SPTBN4: variants seen among roughly 807,000 people sequenced by gnomAD.
The protein encoded by SPTBN4 is spectrin beta chain, non-erythrocytic 4.
A neutral mutation model predicts 277.8 loss-of-function variants in SPTBN4; 96 were observed. That is an observed-to-expected ratio of 0.35 (90% CI 0.29 to 0.41). SPTBN4 has a LOEUF of 0.41. Ranked by LOEUF, SPTBN4 falls within the 10% of genes least tolerant of loss-of-function variation. The pLI, the probability that SPTBN4 is intolerant of heterozygous loss-of-function variation, is 1.00. For synonymous variants in SPTBN4, 1,481 were observed against 1,580.3 expected, an observed-to-expected ratio of 0.94 and a Z score of 1.49; for missense variants, 3,006 against 3,595.7, an observed-to-expected ratio of 0.84 and a Z score of 4.19.
At chr19:40,504,156 C>CAGGG in intron 12 of SPTBN4, 24 bp downstream of exon 12, 2 of 889,456 alleles carry the variant, frequency 2.2e-6, no homozygotes, top group Non-Finnish European at 1.6e-6. Flanking sequence ...GGCGGGGATG[C>CAGGG]GGGTGGAGTG....
chr19:40,489,216 C>CAAA (rs541919529), intron 3 of SPTBN4, among the ~76,000 whole-genome samples: 14 of 54,786 alleles, frequency 2.6e-4, no homozygotes, highest in Admixed American at 1.6e-3. Flanking sequence ...CAACAAAAGC[C>CAAA]AAAAAAAAAA....
intron 20 of SPTBN4, among the ~76,000 whole-genome samples, chr19:40,546,931 T>G (rs1166339429): frequency 6.6e-6 from 1 of 152,224 alleles, no homozygotes; most frequent in African/African-American, 2.4e-5. Flanking sequence ...AATTCTTTGA[T>G]TGTTAAACTA....
rs1165841 is a variant in SPTBN4 at position 40,572,314 on chromosome 19, G to C, written c.7494-24G>C. On this transcript the variant is annotated intron_variant, in intron 34 of 35. Coordinates refer to ENST00000598249, the MANE Select transcript of SPTBN4 (RefSeq NM_020971.3). The stretch of plus-strand genomic sequence containing the variant: ...GGCTGGGCCCCTTCCCCAGATCTCT[G>C]AAGTCCTGTGTCCCTTCCTGCAGGA... The C allele has an allele frequency of 0.6, 973,430 of 1,613,252 alleles. 302,696 individuals carry two copies. The highest frequency in any genetic ancestry group is 0.64 in the African/African-American group (48,306 of 74,966).
chr19:40,502,443 T>G lies in SPTBN4; in HGVS notation c.1139T>G (p.Leu380Arg). 6.2e-7 allele frequency: 1 copy of G among 1,613,568 alleles called. No homozygotes were observed. The highest frequency in any genetic ancestry group is 1.1e-5 in the South Asian group (1 of 91,070). ...EVLLFSIQSK[L>R]RACNRRLFVP... The stretch of plus-strand genomic sequence containing the variant: ...CTGCTCTTCAGCATCCAGAGCAAAC[T>G]GCGTGCCTGCAACCGTCGCCTCTTT... The change falls in exon 10 of 36, where the codon CTG becomes CGG. Residue 380 changes from leucine to arginine, a missense_variant. Physicochemically the swap from Leu to Arg is moderately radical, Grantham distance 102. Around this residue, in one of 5 missense-constraint regions of SPTBN4, gnomAD observed 1,759 missense variants for 2,061.5 expected, o/e 0.85. Transcript: ENST00000598249. This position sits in a 1 kb window ranked among gnomAD's most constrained non-coding sequence, Gnocchi z 4.9.
chr19:40,545,103 A>C (rs965630882), intron 20 of SPTBN4, among the ~76,000 whole-genome samples: 1 of 150,388 alleles, frequency 6.6e-6, no homozygotes, highest in Non-Finnish European at 1.5e-5. Context: ...TTATTTAAAA[A>C]TTTTTTTTTC....
At chr19:40,506,174 G>A (rs2080327631) in intron 12 of SPTBN4, 62 bp from the exon 13 acceptor site, 2 of 1,550,748 alleles carry the variant, frequency 1.3e-6, no homozygotes, top group African/African-American at 2.7e-5. Flanking sequence ...ATAGGCAATG[G>A]GGGAGAGGTG....
intron 20 of SPTBN4, among the ~76,000 whole-genome samples, chr19:40,537,400 G>A (rs1046237037): frequency 3.9e-5 from 6 of 152,306 alleles, no homozygotes; most frequent in Middle Eastern, 3.4e-3. Context: ...AGGTCATCAG[G>A]TCTCTGAAAA....
At position 40,503,015 on chromosome 19, in the gene SPTBN4, T is replaced by C. The variant is rs1053673518; in HGVS notation, c.1362+82T>C. 16 of 1,509,694 alleles carry C rather than the reference T, an allele frequency of 1.1e-5. 1 individual carries two copies. The Admixed American group carries it at 1.6e-4, about 15-fold the overall frequency. The allele number at this position is 1,509,694 out of a possible 1,614,324, so 93.5% of individuals were successfully genotyped here. A position where few individuals can be genotyped will look rare whatever the true frequency, so the allele number is the denominator to read the frequency against. On this transcript the variant is annotated intron_variant, in intron 11 of 35. Coordinates refer to ENST00000598249, the MANE Select transcript of SPTBN4 (RefSeq NM_020971.3). ...CCTGGGACCAGAGAGGGAGACTTGATCTTCTAGGCAACAGGGAAGAGTTAG... is the reference window on the plus strand; with the variant it reads ...CCTGGGACCAGAGAGGGAGACTTGACCTTCTAGGCAACAGGGAAGAGTTAG...
In SPTBN4 at chr19:40,502,845, A is replaced by T; in HGVS notation, c.1274A>T (p.Glu425Val). The T allele has an allele frequency of 6.2e-7, 1 of 1,613,896 alleles. No homozygotes were observed. The highest frequency in any genetic ancestry group is 8.5e-7 in the Non-Finnish European group (1 of 1,180,022). The stretch of plus-strand genomic sequence containing the variant: ...CTACGGGCTGAGCTGATTCGGCAGG[A>T]GAAGCTGGAACTACTGGCACAGAGG... ...AALRAELIRQ[E>V]KLELLAQRFD... The change falls in exon 11 of 36, where the codon GAG (glutamate) becomes GTG (valine). Residue 425 changes from glutamate (E) to valine (V), a missense_variant. Coordinates refer to ENST00000598249, the MANE Select transcript of SPTBN4 (RefSeq NM_020971.3). This position sits in a 1 kb window ranked among gnomAD's most constrained non-coding sequence, Gnocchi z 4.9.
intron 18 of SPTBN4, chr19:40,530,376 T>G: frequency 2.8e-6 from 1 of 352,574 alleles, no homozygotes; most frequent in Non-Finnish European, 4.0e-6. Context: ...TGGTTCCTCC[T>G]GCACCCCCAC....
intron 27 of SPTBN4, among the ~76,000 whole-genome samples, chr19:40,563,860 C>G (rs1161657175): frequency 6.8e-6 from 1 of 147,444 alleles, no homozygotes; most frequent in Non-Finnish European, 1.5e-5. Context: ...GGCCAACATG[C>G]CAAAAATCCA....
chr19:40,514,483 G>A (rs984394808), intron 14 of SPTBN4, among the ~76,000 whole-genome samples: 1 of 152,200 alleles, frequency 6.6e-6, no homozygotes, highest in African/African-American at 2.4e-5. Context: ...AACAGGCCAT[G>A]GAGACTGATG....
chr19:40,561,737 G>A (rs777012144), intron 27 of SPTBN4, among the ~76,000 whole-genome samples: 9 of 151,208 alleles, frequency 6.0e-5, no homozygotes, highest in Admixed American at 1.3e-4. Context: ...CAGGAGAATC[G>A]CTTGAACCCG....
chr19:40,561,992 G>A (rs1379622526), intron 27 of SPTBN4, among the ~76,000 whole-genome samples: 2 of 152,116 alleles, frequency 1.3e-5, no homozygotes, highest in African/African-American at 4.8e-5. Context: ...AGTTTTCTAG[G>A]TGGAGGGACC....
chr19:40,534,063 C>A lies in SPTBN4; in HGVS notation c.4096-17C>A. 6.3e-7 allele frequency: 1 copy of A among 1,590,568 alleles called. No homozygotes were observed. The highest frequency in any genetic ancestry group is 8.6e-7 in the Non-Finnish European group (1 of 1,163,738). On this transcript the variant is annotated splice_polypyrimidine_tract_variant and intron_variant, in intron 19 of 35. Transcript: ENST00000598249. ...ATCTATCTTCTCCATCTCCTGCCAT[C>A]CACCCACTTGGGGCAGGAGGGCCAG...
chr19:40,500,214 T>C (rs555802284), intron 7 of SPTBN4, among the ~76,000 whole-genome samples: 2 of 151,996 alleles, frequency 1.3e-5, no homozygotes, highest in Non-Finnish European at 2.9e-5. Flanking sequence ...CAACAACCAA[T>C]TAAAGTGATG....
In SPTBN4 at chr19:40,534,247, G is replaced by A. The variant is rs1358238981; in HGVS notation, c.4263G>A (p.Glu1421=). Residue 1421 remains glutamate (E), a synonymous_variant, in exon 20 of 36, where the codon GAG becomes GAA. Coordinates refer to ENST00000598249, the MANE Select transcript of SPTBN4 (RefSeq NM_020971.3). ...KADQLVQSFA[E]LDKKLLHMES... ...ACCAGCTGGTGCAGAGCTTTGCTGA[G>A]CTGGACAAGAAGCTCCTTCACATGG... is the stretch of plus-strand genomic sequence containing the variant. 3 of 1,614,074 alleles carry A rather than the reference G, an allele frequency of 1.9e-6. No individual in the cohort carries two copies. The highest frequency in any genetic ancestry group is 1.7e-6 in the Non-Finnish European group (2 of 1,180,052).
At chr19:40,495,562 C>T (rs2080187011) in intron 6 of SPTBN4, among the ~76,000 whole-genome samples, 1 of 151,988 alleles carries the variant, frequency 6.6e-6, no homozygotes, top group Non-Finnish European at 1.5e-5. Context: ...GCAGGAGAAT[C>T]GCTTGAACCC....
At chr19:40,500,113 G>T (rs1187043883) in intron 7 of SPTBN4, among the ~76,000 whole-genome samples, 3 of 107,558 alleles carry the variant, frequency 2.8e-5, no homozygotes, top group Non-Finnish European at 5.7e-5. Context: ...GGAGGCCAAG[G>T]CAGGAGGATC....
Sources: gnomAD v4.1 joint callset for allele counts (sites outside exome capture counted in the v4.1 genomes callset) on GRCh38, gnomAD v4.1.1 for gene constraint, gnomAD v4.1.1 regional missense constraint, Gnocchi (gnomAD v3.1) non-coding constraint, MANE v1.5 for transcripts, NCBI Gene and HGNC (gene_info 2026-07-23, HGNC 2026-07-21) for gene names.